Variants in BRD10 observed in about 807,000 individuals in gnomAD.
The protein encoded by BRD10 is bromodomain containing 10, also known as uncharacterized bromodomain-containing protein 10.
the BRD10 span, among the ~76,000 whole-genome samples, chr9:5,918,633 C>T: frequency 5.8e-5 from 8 of 138,860 alleles, no homozygotes; most frequent in East Asian, 2.0e-4. Flanking sequence ...GGTTTTTTGC[C>T]GTTAGTGGCT....
At chr9:5,944,356 T>A in the BRD10 span, among the ~76,000 whole-genome samples, 20 of 152,130 alleles carry the variant, frequency 1.3e-4, no homozygotes, top group South Asian at 2.1e-3. Context: ...AAGTAAAGAT[T>A]AATTATAATT....
the BRD10 span, chr9:5,920,563 C>T: frequency 1.1e-5 from 17 of 1,613,590 alleles, no homozygotes; most frequent in Admixed American, 6.7e-5. Context: ...TTGAAAGGGA[C>T]GACAATTCAG....
the BRD10 span, among the ~76,000 whole-genome samples, chr9:6,002,376 G>A: frequency 6.6e-6 from 1 of 152,032 alleles, no homozygotes; most frequent in Non-Finnish European, 1.5e-5. Context: ...CATTCCATAG[G>A]TTCTGAACAT....
At chr9:5,983,538 GATA>G in the BRD10 span, among the ~76,000 whole-genome samples, 1 of 152,010 alleles carries the variant, frequency 6.6e-6, no homozygotes, top group Non-Finnish European at 1.5e-5. Flanking sequence ...AAAACATGAA[GATA>G]ATGAGAGAAA....
chr9:5,969,935 T>G, the BRD10 span, among the ~76,000 whole-genome samples: 3 of 152,222 alleles, frequency 2.0e-5, no homozygotes, highest in African/African-American at 7.2e-5. Flanking sequence ...CACTTCAGTC[T>G]GAATTTGATG....
the BRD10 span, chr9:5,881,611 G>A: frequency 6.6e-6 from 1 of 152,212 alleles, no homozygotes; most frequent in East Asian, 1.9e-4. Flanking sequence ...AGTTATTGAA[G>A]GGCTGTGTAC....
At chr9:5,897,398 G>C in the BRD10 span, among the ~76,000 whole-genome samples, 3 of 152,224 alleles carry the variant, frequency 2.0e-5, no homozygotes, top group African/African-American at 7.2e-5. Context: ...TGGAGGCCTG[G>C]TGGGGTGCCC....
the BRD10 span, among the ~76,000 whole-genome samples, chr9:5,924,141 C>T: frequency 5.9e-5 from 9 of 152,094 alleles, no homozygotes; most frequent in Admixed American, 5.2e-4. Context: ...TTCAAAAATA[C>T]TAATAATAAA....
At chr9:5,977,746 A>C in the BRD10 span, among the ~76,000 whole-genome samples, 14 of 152,158 alleles carry the variant, frequency 9.2e-5, no homozygotes, top group African/African-American at 3.4e-4. Context: ...GAGGCACGAG[A>C]ATGGTGTGAA....
chr9:5,908,064 G>A, the BRD10 span, among the ~76,000 whole-genome samples: 2 of 152,192 alleles, frequency 1.3e-5, no homozygotes, highest in African/African-American at 4.8e-5. Context: ...TGACTCTGGA[G>A]CCAAATTACT....
At chr9:5,944,873 A>C in the BRD10 span, 3 of 1,506,360 alleles carry the variant, frequency 2.0e-6, no homozygotes, top group Non-Finnish European at 2.7e-6. Flanking sequence ...ACACCTACCG[A>C]TTTTTTTCTA....
At chr9:5,892,316 C>T in the BRD10 span, 2 of 498,070 alleles carry the variant, frequency 4.0e-6, no homozygotes, top group Non-Finnish European at 6.8e-6. Context: ...TGCAAATCCC[C>T]TCACAGAGAG....
At chr9:5,959,363 A>T in the BRD10 span, among the ~76,000 whole-genome samples, 2 of 152,190 alleles carry the variant, frequency 1.3e-5, no homozygotes, top group Admixed American at 1.3e-4. Context: ...CTTTGGACAA[A>T]TAAATCTCCA....
At chr9:5,977,808 C>G in the BRD10 span, among the ~76,000 whole-genome samples, 2 of 152,120 alleles carry the variant, frequency 1.3e-5, no homozygotes, top group African/African-American at 2.4e-5. Flanking sequence ...GCACTCCAGC[C>G]TGGGCAACAG....
At chr9:5,920,231 G>T in the BRD10 span, 1 of 1,613,848 alleles carries the variant, frequency 6.2e-7, no homozygotes, top group South Asian at 1.1e-5. Context: ...AAGAACTAAG[G>T]GGGCTCCATA....
the BRD10 span, among the ~76,000 whole-genome samples, chr9:5,896,883 C>T: frequency 8.5e-5 from 13 of 152,218 alleles, no homozygotes; most frequent in Non-Finnish European, 1.8e-4. Context: ...GCTGTAGGTT[C>T]AGCCCAGACA....
chr9:5,987,553 T>C, the BRD10 span, among the ~76,000 whole-genome samples: 1 of 152,198 alleles, frequency 6.6e-6, no homozygotes, highest in Non-Finnish European at 1.5e-5. Flanking sequence ...TAATTACTGC[T>C]GGAAAAAGTA....
chr9:6,002,690 T>G, the BRD10 span, among the ~76,000 whole-genome samples: 2 of 150,690 alleles, frequency 1.3e-5, no homozygotes, highest in Non-Finnish European at 3.0e-5. Flanking sequence ...TGCTGTACTT[T>G]TTTTTTTTTT....
chr9:5,938,531 T>C, the BRD10 span, among the ~76,000 whole-genome samples: 1 of 152,212 alleles, frequency 6.6e-6, no homozygotes, highest in South Asian at 2.1e-4. Context: ...AGTGAATTCC[T>C]TGACTATAGG....
Sources: allele counts gnomAD v4.1 joint callset (sites outside exome capture counted in the v4.1 genomes callset), GRCh38; gene constraint gnomAD v4.1.1; transcripts MANE v1.5; gene names NCBI Gene and HGNC (gene_info 2026-07-23, HGNC 2026-07-21).